Variants in EFNA5 observed in about 807,000 individuals in gnomAD.
EFNA5 encodes ephrin-A5.
EFNA5 carries 5 observed loss-of-function variants against 22.9 expected under a neutral mutation model. The ratio of observed to expected loss-of-function variants is 0.22; its 90% CI spans 0.11 to 0.46. EFNA5 has a LOEUF of 0.46. Ranked by LOEUF, EFNA5 falls within the 20% of genes least tolerant of loss-of-function variation. The pLI is 0.99. For missense variants in EFNA5, 237 were observed against 293.3 expected, an observed-to-expected ratio of 0.81 and a Z score of 1.40; for synonymous variants, 113 against 112.2, an observed-to-expected ratio of 1.01 and a Z score of -0.04.
intron 2 of EFNA5, 78 bp downstream of exon 2, chr5:107,427,139 A>G (rs755386516): frequency 1.1e-5 from 16 of 1,507,546 alleles, no homozygotes; most frequent in Non-Finnish European, 1.4e-5. Flanking sequence ...GCTCTCTGCA[A>G]TTCTCTGAAA....
chr5:107,489,570 A>G (rs562492218), intron 1 of EFNA5, among the ~76,000 whole-genome samples: 22 of 152,082 alleles, frequency 1.4e-4, no homozygotes, highest in South Asian at 4.1e-4. Context: ...TGTGAACCTA[A>G]GTTCACATTC....
At chr5:107,431,333 T>C (rs1008207221) in intron 1 of EFNA5, among the ~76,000 whole-genome samples, 7 of 152,206 alleles carry the variant, frequency 4.6e-5, no homozygotes, top group African/African-American at 1.4e-4. Context: ...GCAAAAGTAA[T>C]TGCGGTTTTT....
At chr5:107,658,028 T>G (rs1750867111) in intron 1 of EFNA5, among the ~76,000 whole-genome samples, 1 of 152,136 alleles carries the variant, frequency 6.6e-6, no homozygotes, top group Non-Finnish European at 1.5e-5. Flanking sequence ...GAGCAAAAGT[T>G]TCTCACTAAG....
At chr5:107,549,037 T>C (rs983933498) in intron 1 of EFNA5, among the ~76,000 whole-genome samples, 1 of 152,220 alleles carries the variant, frequency 6.6e-6, no homozygotes, top group Admixed American at 6.5e-5. Context: ...TTTTCCAGAA[T>C]GCTTTACTTT....
chr5:107,414,050 C>T (rs1003496057), intron 2 of EFNA5, among the ~76,000 whole-genome samples: 5 of 152,132 alleles, frequency 3.3e-5, no homozygotes, highest in Admixed American at 1.3e-4. Flanking sequence ...GAATTCAGAC[C>T]CATCCATTCC....
At chr5:107,511,802 T>A (rs200937376) in intron 1 of EFNA5, among the ~76,000 whole-genome samples, 1 of 151,566 alleles carries the variant, frequency 6.6e-6, no homozygotes, top group Non-Finnish European at 1.5e-5. Flanking sequence ...TTACTTTTCT[T>A]AAAAAAAACC....
At chr5:107,640,894 AC>A (rs1750485553) in intron 1 of EFNA5, among the ~76,000 whole-genome samples, 1 of 152,116 alleles carries the variant, frequency 6.6e-6, no homozygotes, top group Non-Finnish European at 1.5e-5. Context: ...CAGTGGGTAT[AC>A]CCAAGCAGGC....
intron 2 of EFNA5, among the ~76,000 whole-genome samples, chr5:107,405,157 A>G (rs543678504): frequency 6.6e-6 from 1 of 152,330 alleles, no homozygotes; most frequent in African/African-American, 2.4e-5. Context: ...GACATTTCCC[A>G]GCCTGGCCTT....
At chr5:107,574,400 A>G (rs749578674) in intron 1 of EFNA5, among the ~76,000 whole-genome samples, 9 of 152,148 alleles carry the variant, frequency 5.9e-5, no homozygotes, top group Non-Finnish European at 1.0e-4. Context: ...GACTGATACC[A>G]AACCCCCTCA....
At chr5:107,599,628 A>G (rs1210616035) in intron 1 of EFNA5, among the ~76,000 whole-genome samples, 1 of 152,234 alleles carries the variant, frequency 6.6e-6, no homozygotes, top group African/African-American at 2.4e-5. Context: ...ATCGATAGAA[A>G]ACTTTTTATA....
chr5:107,527,313 C>T (rs1433761290), intron 1 of EFNA5, among the ~76,000 whole-genome samples: 1 of 144,444 alleles, frequency 6.9e-6, no homozygotes. Flanking sequence ...GAGATGGAGT[C>T]TCGGGCACTG....
chr5:107,483,427 G>T (rs1351290760), intron 1 of EFNA5, among the ~76,000 whole-genome samples: 1 of 152,114 alleles, frequency 6.6e-6, no homozygotes, highest in Non-Finnish European at 1.5e-5. Flanking sequence ...TCACACTCCA[G>T]CTGCTGTATC....
chr5:107,543,281 AAAC>A (rs1418997957), intron 1 of EFNA5, among the ~76,000 whole-genome samples: 1 of 152,240 alleles, frequency 6.6e-6, no homozygotes, highest in East Asian at 1.9e-4. Context: ...CCAGGTTAAA[AAAC>A]AACCACAAAA....
intron 2 of EFNA5, among the ~76,000 whole-genome samples, chr5:107,401,178 A>T (rs1748072122): frequency 6.6e-6 from 1 of 152,240 alleles, no homozygotes; most frequent in African/African-American, 2.4e-5. Flanking sequence ...TAGCCATGAT[A>T]GTAATACCGA....
rs554773477 is a variant in EFNA5, at chr5:107,434,828, A to G, written c.126-7319T>C. On this transcript the variant is annotated intron_variant, in intron 1 of 4. Transcript: ENST00000333274. ...CTGGATAGTTGATTATTACATTTTAAATATATTTTAATCTGTCAAAGAGGT... is the reference window on the plus strand; with the variant it reads ...CTGGATAGTTGATTATTACATTTTAGATATATTTTAATCTGTCAAAGAGGT... Among the ~76,000 whole-genome samples, 81 of 152,352 alleles carry G rather than the reference A, an allele frequency of 5.3e-4. No individual in the cohort carries two copies. In the South Asian group the frequency reaches 0.017, roughly 32 times the overall value.
rs141930127 is a variant in EFNA5, at chr5:107,491,983, C to T, written c.126-64474G>A. 5.2e-3 allele frequency among the ~76,000 whole-genome samples: 796 copies of T among 152,098 alleles called. 1 individual carries two copies. The highest frequency in any genetic ancestry group is 9.0e-3 in the African/African-American group (375 of 41,488). On this transcript the variant is annotated intron_variant, in intron 1 of 4. Transcript: ENST00000333274. Reference sequence around the variant, plus strand: ...CCGAGTAGCTGGGATTACAGGTGCGCGCCACTATGCCAGGCTAATTTTTGT... The same window carrying T: ...CCGAGTAGCTGGGATTACAGGTGCGTGCCACTATGCCAGGCTAATTTTTGT...
At chr5:107,535,560 T>G in intron 1 of EFNA5, among the ~76,000 whole-genome samples, 1 of 149,760 alleles carries the variant, frequency 6.7e-6, no homozygotes, top group African/African-American at 2.6e-5. Flanking sequence ...TTACCTTTAT[T>G]ATATGACATT....
intron 1 of EFNA5, among the ~76,000 whole-genome samples, chr5:107,496,164 TAAAA>T (rs35565454): frequency 2.1e-5 from 2 of 93,192 alleles, no homozygotes; most frequent in African/African-American, 4.3e-5. Context: ...CTGTCTCTGC[TAAAA>T]AAAAAAAAAA....
chr5:107,607,988 T>C (rs1157075836), intron 1 of EFNA5, among the ~76,000 whole-genome samples: 1 of 152,062 alleles, frequency 6.6e-6, no homozygotes, highest in African/African-American at 2.4e-5. Flanking sequence ...CTCCATCTGC[T>C]TGCAAATTTC....
Sources: allele counts gnomAD v4.1 joint callset (sites outside exome capture counted in the v4.1 genomes callset), GRCh38; gene constraint gnomAD v4.1.1; transcripts MANE v1.5; gene names NCBI Gene and HGNC (gene_info 2026-07-23, HGNC 2026-07-21).